Variants in MAPT observed in about 807,000 individuals in gnomAD.
MAPT encodes the protein microtubule-associated protein tau.
In MAPT, 34 loss-of-function variants were observed where a neutral mutation model predicts 67.9. That is an observed-to-expected ratio of 0.50 (90% CI 0.38 to 0.67). The LOEUF is 0.67. MAPT is among the 30% of genes least tolerant of loss of function. The pLI is 0.00. For missense variants in MAPT, 881 were observed against 1,115.2 expected (o/e 0.79, Z 2.99); for synonymous variants, 456 against 464.5 (o/e 0.98, Z 0.23).
intron 4 of MAPT, 94 bp downstream of exon 4, chr17:45,978,534 C>G (rs2072621903): frequency 9.9e-7 from 1 of 1,009,418 alleles, no homozygotes; most frequent in East Asian, 2.4e-5. Context: ...GACCTGAGCT[C>G]TAATTCACAA....
intron 1 of MAPT, among the ~76,000 whole-genome samples, chr17:45,931,327 G>A (rs559341176): frequency 2.0e-5 from 3 of 152,182 alleles, no homozygotes; most frequent in South Asian, 2.1e-4. Context: ...GAAAAGAAAC[G>A]CAGATAGTAA....
Position 46,024,395 on chromosome 17 carries a change from G to T in MAPT, c.*224G>T. ...TTCATCTTTCCAAATTGATGGGTGG[G>T]CTAGTAATAAAATATTTAAAAAAAA... On this transcript the variant is annotated 3_prime_UTR_variant, in exon 13 of 13. Coordinates refer to ENST00000262410, the MANE Select transcript of MAPT (RefSeq NM_001377265.1). 1 of 592,362 alleles carries T rather than the reference G, an allele frequency of 1.7e-6. No individual in the cohort carries two copies. The highest frequency in any genetic ancestry group is 3.0e-5 in the Admixed American group (1 of 33,716). The allele number at this position is 592,362 out of a possible 1,614,324, so 36.7% of individuals were successfully genotyped here. A position where few individuals can be genotyped will look rare whatever the true frequency, so the allele number is the denominator to read the frequency against.
Position 45,904,170 on chromosome 17 carries a change from TTA to T in MAPT, c.-18+9493_-18+9494del, listed in dbSNP as rs574315253. On this transcript the variant is annotated intron_variant, in intron 1 of 12. Coordinates refer to ENST00000262410, the MANE Select transcript of MAPT (RefSeq NM_001377265.1). ...TATATATGTTATATATTATATATAT[TTA>T]TATATATAATATATTGTATATATTA... Among the ~76,000 whole-genome samples, 33 of 33,810 alleles carry T rather than the reference TTA, an allele frequency of 9.8e-4. 1 individual carries two copies. Among genetic ancestry groups the T allele is most frequent in the East Asian group, 1.4e-3 (1 of 726 alleles). 22.2% of individuals were successfully genotyped at this position (33,810 alleles called of 152,430 possible).
chr17:46,020,336 G>A (rs1220646166), intron 12 of MAPT, among the ~76,000 whole-genome samples: 2 of 152,136 alleles, frequency 1.3e-5, no homozygotes, highest in African/African-American at 2.4e-5. Context: ...GGTGAGCTCT[G>A]TCTAGGCCTG....
At chr17:45,934,886 C>T (rs936470623) in intron 1 of MAPT, among the ~76,000 whole-genome samples, 5 of 147,206 alleles carry the variant, frequency 3.4e-5, no homozygotes, top group Non-Finnish European at 7.7e-5. Flanking sequence ...TTTGAGTTTC[C>T]CCCCCGCTTC....
intron 9 of MAPT, among the ~76,000 whole-genome samples, chr17:45,998,651 C>T (rs1440200971): frequency 6.6e-6 from 1 of 152,214 alleles, no homozygotes; most frequent in Non-Finnish European, 1.5e-5. Context: ...CCTCATCCAC[C>T]ACAGTGGCCT....
At chr17:45,966,636 C>G (rs538588577) in intron 2 of MAPT, among the ~76,000 whole-genome samples, 2 of 152,254 alleles carry the variant, frequency 1.3e-5, no homozygotes, top group Admixed American at 6.5e-5. Context: ...GGTTTTACCA[C>G]TCTTATTTTC....
intron 9 of MAPT, among the ~76,000 whole-genome samples, chr17:46,004,823 G>A (rs577172872): frequency 7.9e-5 from 12 of 152,076 alleles, no homozygotes; most frequent in Admixed American, 2.0e-4. Context: ...TCACTCTGTC[G>A]CCCAGGCTGG....
chr17:45,943,370 C>T (rs376816567), intron 1 of MAPT, among the ~76,000 whole-genome samples: 10 of 152,092 alleles, frequency 6.6e-5, no homozygotes, highest in African/African-American at 2.2e-4. Flanking sequence ...GCACTTCTTA[C>T]GTGTGTTCAG....
chr17:45,902,686 A>G (rs1377322447), intron 1 of MAPT, among the ~76,000 whole-genome samples: 1 of 151,602 alleles, frequency 6.6e-6, no homozygotes, highest in Non-Finnish European at 1.5e-5. Flanking sequence ...CCAACTTAAG[A>G]GGGTAAAATC....
intron 1 of MAPT, among the ~76,000 whole-genome samples, chr17:45,930,034 G>A (rs1482124508): frequency 6.6e-6 from 1 of 152,168 alleles, no homozygotes; most frequent in Non-Finnish European, 1.5e-5. Context: ...CACCAAGCCA[G>A]CTCTGAGAAG....
chr17:45,954,707 A>G (rs56317731), intron 1 of MAPT, among the ~76,000 whole-genome samples: 21,827 of 152,230 alleles, frequency 0.14, 2,138 homozygotes, highest in Non-Finnish European at 0.22. Context: ...CTGGCCGGGC[A>G]TGGTGGCTCA....
At chr17:45,913,759 G>A (rs1568151040) in intron 1 of MAPT, among the ~76,000 whole-genome samples, 1 of 152,202 alleles carries the variant, frequency 6.6e-6, no homozygotes, top group Admixed American at 6.5e-5. Flanking sequence ...GACAAATGTG[G>A]CCCATTTTCC....
At chr17:45,988,431 C>T (rs1438147479) in intron 6 of MAPT, among the ~76,000 whole-genome samples, 4 of 152,176 alleles carry the variant, frequency 2.6e-5, no homozygotes, top group African/African-American at 4.8e-5. Flanking sequence ...CCATGCCCAC[C>T]CGTCAAAATC....
At position 45,959,321 on chromosome 17, in the gene MAPT, ACAT is replaced by A. The variant is rs550029315; in HGVS notation, c.-17-2995_-17-2993del. On this transcript the variant is annotated intron_variant, in intron 1 of 12. Transcript: ENST00000262410. ...CAAGTTCATAGTTTACATTAGTAAA[ACAT>A]CATCTTTCATCTATAAGCACAAAAA... Among the ~76,000 whole-genome samples the A allele has an allele frequency of 2.8e-3, 421 of 152,338 alleles. 1 individual carries two copies. Among genetic ancestry groups the A allele is most frequent in the African/African-American group, 9.1e-3 (380 of 41,584 alleles).
intron 3 of MAPT, chr17:45,974,138 G>C (rs1475041378): frequency 3.5e-6 from 2 of 567,198 alleles, no homozygotes; most frequent in African/African-American, 1.9e-5. Context: ...GTTTACACAG[G>C]GCTGCCGGGC....
intron 1 of MAPT, among the ~76,000 whole-genome samples, chr17:45,937,640 GA>G (rs372335391): frequency 0.02 from 2,653 of 134,792 alleles, 26 homozygotes; most frequent in Non-Finnish European, 0.032. Flanking sequence ...GAAAAGAAAA[GA>G]AAAAAAAAAA....
rs552157529 is a variant in MAPT at position 45,948,499 on chromosome 17, C to T, written c.-17-13822C>T. On this transcript the variant is annotated intron_variant, in intron 1 of 12. Transcript: ENST00000262410. ...AAACTGTGAATAAGGAGAAAGTTCT[C>T]CCAGGAAACAAGAGCTTTAGTTCTG... Among the ~76,000 whole-genome samples the T allele has an allele frequency of 2.6e-5, 4 of 152,318 alleles. No individual in the cohort carries two copies. The South Asian group carries it at 8.3e-4, about 32-fold the overall frequency.
chr17:45,981,032 C>A (rs1003983604), intron 4 of MAPT, among the ~76,000 whole-genome samples: 2 of 152,216 alleles, frequency 1.3e-5, no homozygotes, highest in Non-Finnish European at 2.9e-5. Context: ...TGGAGGGGCC[C>A]ATGAGCATGG....
Sources: allele counts gnomAD v4.1 joint callset (sites outside exome capture counted in the v4.1 genomes callset), GRCh38; gene constraint gnomAD v4.1.1; transcripts MANE v1.5; gene names NCBI Gene and HGNC (gene_info 2026-07-23, HGNC 2026-07-21).